The following FSTL5 variants were observed in gnomAD, a reference collection of about 807,000 sequenced individuals.
FSTL5 encodes follistatin like 5.
In FSTL5, 62 loss-of-function variants were observed where a neutral mutation model predicts 89.1. The observed-to-expected ratio is 0.70, with a 90% CI of 0.57 to 0.86. The LOEUF is 0.86. Ranked by LOEUF, FSTL5 falls within the 40% of genes least tolerant of loss-of-function variation. The pLI, the probability that FSTL5 is intolerant of heterozygous loss-of-function variation, is 0.00. For synonymous variants in FSTL5, 383 were observed against 346.2 expected, an observed-to-expected ratio of 1.11 and a Z score of -1.18; for missense variants, 1,057 against 1,001.6, an observed-to-expected ratio of 1.06 and a Z score of -0.75.
chr4:162,067,701 G>A (rs1434449082), intron 2 of FSTL5, among the ~76,000 whole-genome samples: 1 of 152,030 alleles, frequency 6.6e-6, no homozygotes, highest in African/African-American at 2.4e-5. Context: ...TCTGGCCAGG[G>A]CAATCAGGCA....
At chr4:161,794,712 C>G (rs1729577192) in intron 4 of FSTL5, among the ~76,000 whole-genome samples, 1 of 152,112 alleles carries the variant, frequency 6.6e-6, no homozygotes, top group African/African-American at 2.4e-5. Flanking sequence ...TGCTCCCCTT[C>G]TTTTAAACCA....
chr4:161,687,716 C>T (rs1737794688), intron 6 of FSTL5, among the ~76,000 whole-genome samples: 1 of 152,200 alleles, frequency 6.6e-6, no homozygotes. Flanking sequence ...GGCTTCCTCA[C>T]AACAGAGTGA....
intron 12 of FSTL5, among the ~76,000 whole-genome samples, chr4:161,488,241 A>AT (rs1345029096): frequency 2.0e-5 from 3 of 152,104 alleles, no homozygotes; most frequent in Non-Finnish European, 4.4e-5. Flanking sequence ...TCATTTATAA[A>AT]TATCATAAGT....
intron 6 of FSTL5, among the ~76,000 whole-genome samples, chr4:161,725,253 T>C (rs1739358058): frequency 6.6e-6 from 1 of 152,104 alleles, no homozygotes; most frequent in African/African-American, 2.4e-5. Flanking sequence ...TCCACGAAGG[T>C]GAATTATGAT....
intron 1 of FSTL5, among the ~76,000 whole-genome samples, chr4:162,153,673 T>TTATATATGTATATAATAA (rs1285666428): frequency 2.2e-5 from 3 of 137,290 alleles, no homozygotes; most frequent in Non-Finnish European, 4.6e-5. Flanking sequence ...TATATGTATA[T>TTATATATGTATATAATAA]TATATATGTA....
chr4:162,017,747 A>G (rs368892384), intron 3 of FSTL5, among the ~76,000 whole-genome samples: 2 of 152,206 alleles, frequency 1.3e-5, no homozygotes, highest in Non-Finnish European at 2.9e-5. Flanking sequence ...CTCCTAATAT[A>G]TAAAGGTTTG....
At chr4:161,766,949 T>C (rs1182765356) in intron 5 of FSTL5, among the ~76,000 whole-genome samples, 2 of 150,372 alleles carry the variant, frequency 1.3e-5, no homozygotes, top group East Asian at 3.9e-4. Context: ...GATAGATAGA[T>C]AGATAGATCT....
At chr4:161,787,621 A>C (rs1046212576) in intron 4 of FSTL5, among the ~76,000 whole-genome samples, 7 of 152,162 alleles carry the variant, frequency 4.6e-5, no homozygotes, top group African/African-American at 1.7e-4. Context: ...GATGAAAAAG[A>C]GACGTTGCTC....
intron 8 of FSTL5, among the ~76,000 whole-genome samples, chr4:161,560,900 G>A (rs758667712): frequency 2.6e-5 from 4 of 151,816 alleles, no homozygotes; most frequent in African/African-American, 4.8e-5. Flanking sequence ...ACTAAAATGC[G>A]TAGTAAACAT....
At chr4:161,572,999 C>T (rs555583290) in intron 8 of FSTL5, among the ~76,000 whole-genome samples, 60 of 152,284 alleles carry the variant, frequency 3.9e-4, no homozygotes, top group African/African-American at 1.4e-3. Flanking sequence ...ACCCTTAGAA[C>T]GGTGGCCTAA....
At chr4:161,721,418 A>C (rs1177526327) in intron 6 of FSTL5, among the ~76,000 whole-genome samples, 1 of 151,944 alleles carries the variant, frequency 6.6e-6, no homozygotes, top group African/African-American at 2.4e-5. Flanking sequence ...AAATTTTTGG[A>C]GTTGATTAAT....
intron 1 of FSTL5, among the ~76,000 whole-genome samples, chr4:162,144,653 T>G (rs1227402653): frequency 6.6e-6 from 1 of 152,026 alleles, no homozygotes. Flanking sequence ...TTTTGAAAAA[T>G]TGATTAGACA....
chr4:161,708,619 T>C (rs887824793), intron 6 of FSTL5, among the ~76,000 whole-genome samples: 4 of 152,122 alleles, frequency 2.6e-5, no homozygotes, highest in African/African-American at 7.2e-5. Flanking sequence ...ATTTTAAAAA[T>C]TTTCCAAATT....
At chr4:161,888,332 G>A (rs1167995255) in intron 4 of FSTL5, among the ~76,000 whole-genome samples, 6 of 152,036 alleles carry the variant, frequency 3.9e-5, no homozygotes, top group Non-Finnish European at 1.5e-5. Context: ...AAGACCCATA[G>A]TTCTTGATAT....
intron 1 of FSTL5, 73 bp from the exon 2 acceptor site, chr4:162,111,485 T>G: frequency 8.6e-7 from 1 of 1,159,686 alleles, no homozygotes; most frequent in Non-Finnish European, 1.2e-6. Context: ...ATGAAATATT[T>G]AATATCACAT....
intron 10 of FSTL5, among the ~76,000 whole-genome samples, chr4:161,521,575 G>A (rs1451290082): frequency 2.6e-5 from 4 of 151,978 alleles, no homozygotes; most frequent in East Asian, 1.9e-4. Flanking sequence ...GTGGCCGGGC[G>A]CGGTGGCTCA....
At position 161,384,309 on chromosome 4, in the gene FSTL5, C is replaced by T. The variant is rs766739731; in HGVS notation, c.*1438G>A. Reference sequence around the variant, plus strand: ...CTTAAGTAAATGGAGGTCATTTCAACAGCCCATTAACATTTTTTTGCAACA... The same window carrying T: ...CTTAAGTAAATGGAGGTCATTTCAATAGCCCATTAACATTTTTTTGCAACA... On this transcript the variant is annotated 3_prime_UTR_variant, in exon 16 of 16. Coordinates refer to ENST00000306100, the MANE Select transcript of FSTL5 (RefSeq NM_020116.5). The T allele has an allele frequency of 1.3e-5, 2 of 152,058 alleles. No homozygotes were observed. Among genetic ancestry groups the T allele is most frequent in the African/African-American group, 4.8e-5 (2 of 41,406 alleles). 9.4% of individuals were successfully genotyped at this position (152,058 alleles called of 1,614,324 possible).
At chr4:161,870,728 A>G (rs780199790) in intron 4 of FSTL5, among the ~76,000 whole-genome samples, 1 of 152,206 alleles carries the variant, frequency 6.6e-6, no homozygotes, top group Non-Finnish European at 1.5e-5. Context: ...AAAGTAAGCT[A>G]AGTGTTGGAT....
intron 3 of FSTL5, among the ~76,000 whole-genome samples, chr4:161,983,772 C>T (rs1164020975): frequency 6.6e-6 from 1 of 152,048 alleles, no homozygotes; most frequent in African/African-American, 2.4e-5. Context: ...GCAAATAAAA[C>T]TTCTTAAAAC....
Sources: allele counts gnomAD v4.1 joint callset (sites outside exome capture counted in the v4.1 genomes callset), GRCh38; gene constraint gnomAD v4.1.1; transcripts MANE v1.5; gene names NCBI Gene and HGNC (gene_info 2026-07-23, HGNC 2026-07-21).